YWHAB: variants seen among roughly 807,000 people sequenced by gnomAD.
YWHAB encodes the protein 14-3-3 protein beta/alpha.
Under a neutral mutation model 28.5 loss-of-function variants are expected in YWHAB, and 2 were observed. The observed-to-expected ratio is 0.07, with a 90% CI of 0.03 to 0.22. YWHAB has a LOEUF of 0.22. Among genes scored for constraint, YWHAB ranks in the 10% least tolerant of loss-of-function variants. YWHAB has a pLI of 1.00. For synonymous variants in YWHAB, 103 were observed against 104.7 expected (o/e 0.98, Z 0.10); for missense variants, 148 against 297.1 (o/e 0.50, Z 3.69).
chr20:44,906,501 C>T lies in YWHAB; in HGVS notation c.*63C>T, dbSNP rs1383624298. On this transcript the variant is annotated 3_prime_UTR_variant, in exon 6 of 6. Transcript: ENST00000353703. ...GTACCCTCAACATATATCCCTTGTG[C>T]GATAAAAAAAAAAAAAAAAAAAAAA... The T allele has an allele frequency of 2.8e-5, 16 of 563,700 alleles. No individual in the cohort carries two copies. Among genetic ancestry groups the T allele is most frequent in the Middle Eastern group, 5.5e-4 (1 of 1,834 alleles). 34.9% of individuals were successfully genotyped at this position (563,700 alleles called of 1,614,324 possible).
At position 44,906,544 on chromosome 20, in the gene YWHAB, C is replaced by G. The variant is rs2066658036; in HGVS notation, c.*106C>G. On this transcript the variant is annotated 3_prime_UTR_variant, in exon 6 of 6. Transcript: ENST00000353703. Reference sequence around the variant, plus strand: ...AAAAAAAAAGAGAATCGTACGTCGACTTTCGATTTTTCACAGCCTCAGCCT... The same window carrying G: ...AAAAAAAAAGAGAATCGTACGTCGAGTTTCGATTTTTCACAGCCTCAGCCT... 1.9e-5 allele frequency: 20 copies of G among 1,061,414 alleles called. No individual in the cohort carries two copies. Among genetic ancestry groups the G allele is most frequent in the Non-Finnish European group, 2.3e-5 (18 of 767,360 alleles). 65.7% of individuals were successfully genotyped at this position (1,061,414 alleles called of 1,614,324 possible).
intron 1 of YWHAB, among the ~76,000 whole-genome samples, chr20:44,897,995 C>G (rs2066605461): frequency 1.3e-5 from 2 of 152,070 alleles, no homozygotes; most frequent in South Asian, 4.2e-4. Context: ...TTCTCAGTGG[C>G]TGCTGTGAGG....
At chr20:44,890,880 A>G (rs1010890383) in intron 1 of YWHAB, among the ~76,000 whole-genome samples, 5 of 152,132 alleles carry the variant, frequency 3.3e-5, no homozygotes, top group Admixed American at 2.6e-4. Context: ...AAACTGTGAT[A>G]AGGGCCATTT....
Position 44,898,030 on chromosome 20 carries a change from T to G in YWHAB, c.-3-3501T>G, listed in dbSNP as rs149296969. On this transcript the variant is annotated intron_variant, in intron 1 of 5. Transcript: ENST00000353703. Reference sequence around the variant, plus strand: ...GGAAAAGAGCCTGGGGAGGCACACGTAGGATATTCACAGTGTTAGCCTGGA... The same window carrying G: ...GGAAAAGAGCCTGGGGAGGCACACGGAGGATATTCACAGTGTTAGCCTGGA... Among the ~76,000 whole-genome samples the G allele has an allele frequency of 7.9e-3, 1,199 of 152,256 alleles. 12 individuals carry two copies. The highest frequency in any genetic ancestry group is 0.022 in the South Asian group (108 of 4,808).
intron 4 of YWHAB, 45 bp from the exon 5 acceptor site, chr20:44,905,956 C>A: frequency 6.5e-7 from 1 of 1,531,694 alleles, no homozygotes; most frequent in Non-Finnish European, 9.0e-7. Context: ...GCTAAACTAG[C>A]TCCAGAGAAC....
chr20:44,895,757 A>T (rs2066592275), intron 1 of YWHAB, among the ~76,000 whole-genome samples: 2 of 152,236 alleles, frequency 1.3e-5, no homozygotes, highest in South Asian at 2.1e-4. Flanking sequence ...TTGATCTGCC[A>T]TGCCTGACTG....
intron 1 of YWHAB, among the ~76,000 whole-genome samples, chr20:44,898,092 A>G (rs1222062379): frequency 6.6e-6 from 1 of 152,208 alleles, no homozygotes; most frequent in Non-Finnish European, 1.5e-5. Context: ...ATTGGACAGA[A>G]CTACCATGTG....
intron 1 of YWHAB, among the ~76,000 whole-genome samples, chr20:44,896,646 A>C (rs1304476908): frequency 6.6e-6 from 1 of 152,384 alleles, no homozygotes; most frequent in Middle Eastern, 3.4e-3. Flanking sequence ...TGGGTCTTAC[A>C]GCAAAGGCAT....
chr20:44,886,120 G>C (rs1335247547), intron 1 of YWHAB: 1 of 152,236 alleles, frequency 6.6e-6, no homozygotes, highest in Non-Finnish European at 1.5e-5. Context: ...AGGTCCTGCC[G>C]GCCGGGCGGG....
rs372424925 is a variant in YWHAB, at chr20:44,906,521, AAAAAAAG to A, written c.*85_*91del. On this transcript the variant is annotated 3_prime_UTR_variant, in exon 6 of 6. Coordinates refer to ENST00000353703, the MANE Select transcript of YWHAB (RefSeq NM_139323.4). Reference sequence around the variant, plus strand: ...TTGTGCGATAAAAAAAAAAAAAAAAAAAAAAAGAGAATCGTACGTCGACTTTCGATTT... The same window carrying A: ...TTGTGCGATAAAAAAAAAAAAAAAAAAGAATCGTACGTCGACTTTCGATTT... 143,362 of 1,018,470 alleles carry A rather than the reference AAAAAAAG, an allele frequency of 0.14. 7,801 individuals are homozygous for A. The highest frequency in any genetic ancestry group is 0.24 in the African/African-American group (14,080 of 58,798). The allele number at this position is 1,018,470 out of a possible 1,614,324, so 63.1% of individuals were successfully genotyped here. A position where few individuals can be genotyped will look rare whatever the true frequency, so the allele number is the denominator to read the frequency against.
chr20:44,893,571 A>G (rs1054373848), intron 1 of YWHAB, among the ~76,000 whole-genome samples: 7 of 152,102 alleles, frequency 4.6e-5, no homozygotes, highest in African/African-American at 1.4e-4. Flanking sequence ...TTACAGAAAT[A>G]AAATATTGTG....
intron 1 of YWHAB, among the ~76,000 whole-genome samples, chr20:44,890,972 G>A (rs1206617512): frequency 1.3e-5 from 2 of 152,110 alleles, no homozygotes; most frequent in Non-Finnish European, 2.9e-5. Flanking sequence ...AAATAAATGA[G>A]GTACATAGTA....
At chr20:44,895,952 A>G (rs1479730986) in intron 1 of YWHAB, among the ~76,000 whole-genome samples, 2 of 152,330 alleles carry the variant, frequency 1.3e-5, no homozygotes, top group East Asian at 1.9e-4. Flanking sequence ...CATTCAGCAG[A>G]TATTTGTTCC....
At chr20:44,897,386 T>C (rs2066601942) in intron 1 of YWHAB, among the ~76,000 whole-genome samples, 1 of 152,232 alleles carries the variant, frequency 6.6e-6, no homozygotes, top group Admixed American at 6.5e-5. Flanking sequence ...AACTTTGAAG[T>C]GGGCCTCTAA....
Position 44,907,165 on chromosome 20 carries a change from C to G in YWHAB, c.*727C>G, listed in dbSNP as rs1328074736. 6.6e-6 allele frequency: 1 copy of G among 152,230 alleles called. No individual in the cohort carries two copies. The highest frequency in any genetic ancestry group is 1.5e-5 in the Non-Finnish European group (1 of 68,048). The allele number at this position is 152,230 out of a possible 1,614,324, so 9.4% of individuals were successfully genotyped here. A position where few individuals can be genotyped will look rare whatever the true frequency, so the allele number is the denominator to read the frequency against. On this transcript the variant is annotated 3_prime_UTR_variant, in exon 6 of 6. Transcript: ENST00000353703. ...CTACAGCAATATGTTCACTATGTTA[C>G]CAATTTGCAACTTGTGCTTCAATAG...
Position 44,908,176 on chromosome 20 carries a change from A to AAC in YWHAB, c.*1739_*1740insCA, listed in dbSNP as rs60995368. 13,751 of 139,094 alleles carry AAC rather than the reference A, an allele frequency of 0.099. 822 individuals carry two copies. The highest frequency in any genetic ancestry group is 0.15 in the Middle Eastern group (41 of 270). 8.6% of individuals were successfully genotyped at this position (139,094 alleles called of 1,614,324 possible). ...CAAACCAAAAAAAAAGAAAAAAACA[A>AAC]AAAAAAAAATCCCTCCTTTCTAGCT... On this transcript the variant is annotated 3_prime_UTR_variant, in exon 6 of 6. Coordinates refer to ENST00000353703, the MANE Select transcript of YWHAB (RefSeq NM_139323.4).
chr20:44,895,599 G>T (rs1464031190), intron 1 of YWHAB, among the ~76,000 whole-genome samples: 1 of 152,162 alleles, frequency 6.6e-6, no homozygotes, highest in Non-Finnish European at 1.5e-5. Context: ...CTCCCAAGTA[G>T]CTGGGACCAC....
At chr20:44,896,604 C>T (rs2066597266) in intron 1 of YWHAB, among the ~76,000 whole-genome samples, 2 of 152,202 alleles carry the variant, frequency 1.3e-5, no homozygotes, top group Admixed American at 6.5e-5. Flanking sequence ...GAATTTTGAG[C>T]GGGAAGTGAC....
intron 1 of YWHAB, among the ~76,000 whole-genome samples, chr20:44,888,646 AT>A (rs2066542407): frequency 6.6e-6 from 1 of 152,206 alleles, no homozygotes. Context: ...AATATTAGCT[AT>A]TTTTGAAGAT....
Sources: allele counts gnomAD v4.1 joint callset (sites outside exome capture counted in the v4.1 genomes callset), GRCh38; gene constraint gnomAD v4.1.1; transcripts MANE v1.5; gene names NCBI Gene and HGNC (gene_info 2026-07-23, HGNC 2026-07-21).